The following KCNJ6 variants were observed in gnomAD, a reference collection of about 807,000 sequenced individuals.
KCNJ6 encodes potassium inwardly rectifying channel subfamily J member 6.
Under a neutral mutation model 34.2 loss-of-function variants are expected in KCNJ6, and 9 were observed. The observed-to-expected ratio is 0.26, with a 90% confidence interval of 0.16 to 0.46. The LOEUF (loss-of-function observed/expected upper bound fraction) is 0.46, where lower values mean the gene tolerates loss of function less well. Ranked by LOEUF, KCNJ6 falls within the 20% of genes least tolerant of loss-of-function variation. The probability of loss-of-function intolerance (pLI) is 1.00; values close to 1 mark genes in which losing one functional copy is unlikely to be tolerated. For synonymous variants in KCNJ6, 196 were observed against 207.1 expected (o/e 0.95, Z 0.46); for missense variants, 236 against 531.3 (o/e 0.44, Z 5.46).
chr21:37,679,619 G>C (rs1222534181), intron 3 of KCNJ6, among the ~76,000 whole-genome samples: 1 of 152,314 alleles, frequency 6.6e-6, no homozygotes. Context: ...ATGAAGGAAA[G>C]GTGGAAATCA....
intron 2 of KCNJ6, among the ~76,000 whole-genome samples, chr21:37,797,490 T>G (rs2055249034): frequency 6.6e-6 from 1 of 152,184 alleles, no homozygotes; most frequent in Non-Finnish European, 1.5e-5. Context: ...ATACCAAGTT[T>G]TAGAGTCTAT....
chr21:37,864,579 G>C lies in KCNJ6; in HGVS notation c.-27-23870C>G, dbSNP rs2055612498. 2.6e-5 allele frequency among the ~76,000 whole-genome samples: 4 copies of C among 152,164 alleles called. No homozygotes were observed. The South Asian group carries it at 8.3e-4, about 31-fold the overall frequency. On this transcript the variant is annotated intron_variant, in intron 1 of 3. Transcript: ENST00000609713. ...GACTTGTAAGCTCTGTGCATGATTA[G>C]GTAGCTTCAAATACAAAGCTTTGAA...
intron 2 of KCNJ6, among the ~76,000 whole-genome samples, chr21:37,769,450 A>AT (rs2055107613): frequency 7.2e-6 from 1 of 139,522 alleles, no homozygotes; most frequent in Non-Finnish European, 1.5e-5. Context: ...TTATTACTAT[A>AT]TTTTTTTAGT....
chr21:37,866,593 T>C (rs2055623868), intron 1 of KCNJ6, among the ~76,000 whole-genome samples: 1 of 151,962 alleles, frequency 6.6e-6, no homozygotes, highest in Non-Finnish European at 1.5e-5. Flanking sequence ...AGCTGGACAT[T>C]GGTCCCTGCC....
At chr21:37,726,653 A>T (rs1019527376) in intron 2 of KCNJ6, among the ~76,000 whole-genome samples, 2 of 152,160 alleles carry the variant, frequency 1.3e-5, no homozygotes, top group Non-Finnish European at 2.9e-5. Context: ...ATAAATTTTG[A>T]TTAATCTCTG....
intron 3 of KCNJ6, among the ~76,000 whole-genome samples, chr21:37,708,926 AT>A (rs1198793652): frequency 6.6e-6 from 1 of 152,204 alleles, no homozygotes; most frequent in Non-Finnish European, 1.5e-5. Flanking sequence ...GCTAGGGTAG[AT>A]TGGCATTTTT....
At position 37,612,419 on chromosome 21, in the gene KCNJ6, A is replaced by C. The variant is rs1486009533; in HGVS notation, c.*12740T>G. The C allele has an allele frequency of 6.6e-6, 1 of 152,226 alleles. No individual in the cohort carries two copies. The allele number at this position is 152,226 out of a possible 1,614,324, so 9.4% of individuals were successfully genotyped here. ...AGGGACTCAATATTGTCAAGATGTCACTTCCCAGCTTCCTCTGTAGATTAA... is the reference window on the plus strand; with the variant it reads ...AGGGACTCAATATTGTCAAGATGTCCCTTCCCAGCTTCCTCTGTAGATTAA... On this transcript the variant is annotated 3_prime_UTR_variant, in exon 4 of 4. Transcript: ENST00000609713.
intron 2 of KCNJ6, among the ~76,000 whole-genome samples, chr21:37,753,921 A>G (rs2835937): frequency 0.061 from 9,319 of 152,232 alleles, 545 homozygotes; most frequent in African/African-American, 0.15. Context: ...TAGGTCTATT[A>G]CATTGAGAAC....
intron 2 of KCNJ6, among the ~76,000 whole-genome samples, chr21:37,825,707 T>C (rs184855773): frequency 9.9e-5 from 15 of 152,194 alleles, no homozygotes; most frequent in Admixed American, 3.3e-4. Flanking sequence ...GTAATTTATA[T>C]AGAAAAAGAG....
intron 3 of KCNJ6, among the ~76,000 whole-genome samples, chr21:37,688,702 G>A (rs991763869): frequency 6.6e-6 from 1 of 152,198 alleles, no homozygotes; most frequent in African/African-American, 2.4e-5. Context: ...GGAGAGGGGT[G>A]CAGATGCCAG....
chr21:37,886,174 T>C (rs1481096480), intron 1 of KCNJ6, among the ~76,000 whole-genome samples: 2 of 152,084 alleles, frequency 1.3e-5, no homozygotes, highest in African/African-American at 4.8e-5. Flanking sequence ...CTCCAAAAAA[T>C]TGGGGGTAGG....
chr21:37,716,438 G>A (rs2054791793), intron 2 of KCNJ6, among the ~76,000 whole-genome samples: 1 of 149,306 alleles, frequency 6.7e-6, no homozygotes, highest in Non-Finnish European at 1.5e-5. Flanking sequence ...AGAGTATAGT[G>A]GCACCATCAT....
At chr21:37,663,673 T>C (rs2054500459) in intron 3 of KCNJ6, among the ~76,000 whole-genome samples, 1 of 152,198 alleles carries the variant, frequency 6.6e-6, no homozygotes, top group Non-Finnish European at 1.5e-5. Flanking sequence ...TGATGAAAGA[T>C]TCTACTCACC....
chr21:37,637,775 T>C (rs1007502610), intron 3 of KCNJ6, among the ~76,000 whole-genome samples: 1 of 152,150 alleles, frequency 6.6e-6, no homozygotes, highest in African/African-American at 2.4e-5. Flanking sequence ...ATCATAAGAA[T>C]GGGTATCCTT....
intron 2 of KCNJ6, among the ~76,000 whole-genome samples, chr21:37,801,534 C>CA (rs2123532356): frequency 6.6e-6 from 1 of 152,322 alleles, no homozygotes; most frequent in South Asian, 2.1e-4. Context: ...GGCATGGGCT[C>CA]ACCACCCTCC....
At chr21:37,867,563 C>T (rs138657196) in intron 1 of KCNJ6, among the ~76,000 whole-genome samples, 13 of 152,190 alleles carry the variant, frequency 8.5e-5, no homozygotes, top group African/African-American at 3.1e-4. Context: ...CATTTGTTTA[C>T]GTATTTGTAC....
intron 3 of KCNJ6, among the ~76,000 whole-genome samples, chr21:37,708,678 T>G (rs1052186653): frequency 2.0e-5 from 3 of 152,202 alleles, no homozygotes; most frequent in Non-Finnish European, 4.4e-5. Flanking sequence ...AGCTCACCAA[T>G]TAACTCTTTT....
intron 3 of KCNJ6, among the ~76,000 whole-genome samples, chr21:37,710,524 A>G (rs925910626): frequency 6.6e-6 from 1 of 152,226 alleles, no homozygotes. Context: ...AAAAGGCTTA[A>G]CGGGGACTCA....
At chr21:37,763,593 C>A (rs2055076752) in intron 2 of KCNJ6, among the ~76,000 whole-genome samples, 1 of 152,142 alleles carries the variant, frequency 6.6e-6, no homozygotes, top group East Asian at 1.9e-4. Flanking sequence ...TGTGCCTCAC[C>A]CTGTGCTTCT....
Sources: allele counts gnomAD v4.1 joint callset (sites outside exome capture counted in the v4.1 genomes callset), GRCh38; gene constraint gnomAD v4.1.1; transcripts MANE v1.5; gene names NCBI Gene and HGNC (gene_info 2026-07-23, HGNC 2026-07-21).